KAZN: variants seen among roughly 807,000 people sequenced by gnomAD.
The protein encoded by KAZN is kazrin.
KAZN carries 40 observed loss-of-function variants against 87.4 expected under a neutral mutation model. The observed-to-expected ratio is 0.46, with a 90% CI of 0.36 to 0.60. The LOEUF is 0.60. Among genes scored for constraint, KAZN ranks in the 20% least tolerant of loss-of-function variants. The pLI, the probability that KAZN is intolerant of heterozygous loss-of-function variation, is 0.00. For missense variants in KAZN, 898 were observed against 1,073.9 expected, an observed-to-expected ratio of 0.84 and a Z score of 2.29; for synonymous variants, 466 against 458.3, an observed-to-expected ratio of 1.02 and a Z score of -0.22.
At chr1:14,564,018 C>T (rs1458907426) in intron 2 of KAZN, among the ~76,000 whole-genome samples, 2 of 151,858 alleles carry the variant, frequency 1.3e-5, no homozygotes, top group Non-Finnish European at 2.9e-5. Context: ...TACAGGCACC[C>T]GCCATCATGC....
intron 2 of KAZN, among the ~76,000 whole-genome samples, chr1:14,448,956 G>A (rs1392836891): frequency 6.6e-6 from 1 of 152,312 alleles, no homozygotes; most frequent in East Asian, 1.9e-4. Context: ...TACAGATGGG[G>A]AAACTAAGAC....
At chr1:13,937,317 C>T (rs12033104) in intron 1 of KAZN, among the ~76,000 whole-genome samples, 2,491 of 152,208 alleles carry the variant, frequency 0.016, 64 homozygotes, top group African/African-American at 0.055. Flanking sequence ...GTGCTGGGAT[C>T]ACAGGCATGA....
intron 1 of KAZN, among the ~76,000 whole-genome samples, chr1:14,115,402 G>A (rs1644593854): frequency 6.6e-6 from 1 of 152,194 alleles, no homozygotes; most frequent in South Asian, 2.1e-4. Context: ...ATGGGGGCAG[G>A]TCTTTCCTGT....
chr1:14,510,117 G>A (rs1670821834), intron 2 of KAZN, among the ~76,000 whole-genome samples: 1 of 152,174 alleles, frequency 6.6e-6, no homozygotes, highest in African/African-American at 2.4e-5. Flanking sequence ...AGGCACAGTG[G>A]CCTATAATCC....
At chr1:14,044,815 G>A (rs1641992218) in intron 1 of KAZN, among the ~76,000 whole-genome samples, 1 of 152,184 alleles carries the variant, frequency 6.6e-6, no homozygotes, top group African/African-American at 2.4e-5. Flanking sequence ...CCCTGAATCT[G>A]TTGTACCTTT....
At chr1:14,431,397 T>A (rs551363771) in intron 2 of KAZN, among the ~76,000 whole-genome samples, 9 of 152,292 alleles carry the variant, frequency 5.9e-5, no homozygotes, top group African/African-American at 2.2e-4. Flanking sequence ...AAGCCCCTAC[T>A]TGGAGGATAA....
intron 2 of KAZN, among the ~76,000 whole-genome samples, chr1:14,508,931 T>G (rs1342519997): frequency 6.6e-6 from 1 of 152,324 alleles, no homozygotes; most frequent in Non-Finnish European, 1.5e-5. Flanking sequence ...GGATCATTGC[T>G]TGCCTGTTCT....
At chr1:13,977,143 T>G (rs1014480884) in intron 1 of KAZN, among the ~76,000 whole-genome samples, 1 of 152,198 alleles carries the variant, frequency 6.6e-6, no homozygotes, top group African/African-American at 2.4e-5. Flanking sequence ...GAAGAGAGCT[T>G]AGTCTACAGG....
intron 1 of KAZN, among the ~76,000 whole-genome samples, chr1:14,875,049 T>C (rs1652598536): frequency 6.6e-6 from 1 of 151,984 alleles, no homozygotes; most frequent in Non-Finnish European, 1.5e-5. Context: ...TGTAAATTTG[T>C]GGCCAGGTGC....
chr1:15,060,389 T>C, intron 6 of KAZN, 87 bp downstream of exon 6: 1 of 1,544,620 alleles, frequency 6.5e-7, no homozygotes, highest in Non-Finnish European at 8.9e-7. Context: ...CCATACTCGC[T>C]GTTTCCTCTC....
Position 13,893,739 on chromosome 1 carries a change from G to A in KAZN, c.74G>A (p.Cys25Tyr), listed in dbSNP as rs1570196640. Residue 25 changes from cysteine to tyrosine, a missense_variant, in exon 1 of 17, where the codon TGC becomes TAC. By Grantham distance (194) the Cys-to-Tyr change is radical (BLOSUM62 -2). Coordinates refer to the KAZN transcript ENST00000636203. ...TTCTCCCACGTCTTTGGTCAGCAGT[G>A]CCAACTTATGCAAGCAGGTAGGAAT... 4 of 1,550,532 alleles carry A rather than the reference G, an allele frequency of 2.6e-6. 1 individual carries two copies. In the South Asian group the frequency reaches 4.8e-5, roughly 18 times the overall value.
chr1:14,921,461 A>C (rs986425592), intron 1 of KAZN, among the ~76,000 whole-genome samples: 7 of 152,136 alleles, frequency 4.6e-5, no homozygotes, highest in Admixed American at 2.0e-4. Flanking sequence ...CTAATGTTTC[A>C]AATTTAGATT....
At chr1:14,440,577 T>C (rs896853031) in intron 2 of KAZN, among the ~76,000 whole-genome samples, 2 of 152,124 alleles carry the variant, frequency 1.3e-5, no homozygotes, top group African/African-American at 4.8e-5. Flanking sequence ...CAAAAAGATG[T>C]TTGAGGAATG....
intron 1 of KAZN, among the ~76,000 whole-genome samples, chr1:14,721,558 C>T (rs896368215): frequency 3.9e-5 from 6 of 152,168 alleles, no homozygotes; most frequent in Admixed American, 1.3e-4. Context: ...TGTTCGTGTT[C>T]GAGGTCTGGT....
At chr1:13,956,074 A>G (rs1191144440) in intron 1 of KAZN, among the ~76,000 whole-genome samples, 4 of 152,204 alleles carry the variant, frequency 2.6e-5, no homozygotes, top group Non-Finnish European at 5.9e-5. Context: ...TGGGTGCATT[A>G]ATTAATCCCA....
chr1:14,155,017 G>C (rs1174294188), intron 1 of KAZN, among the ~76,000 whole-genome samples: 1 of 111,170 alleles, frequency 9.0e-6, no homozygotes, highest in East Asian at 4.2e-4. Context: ...GTCTTTGCCT[G>C]GTTTTGGAAC....
intron 1 of KAZN, among the ~76,000 whole-genome samples, chr1:14,688,362 G>A (rs191273694): frequency 4.6e-5 from 7 of 152,308 alleles, no homozygotes; most frequent in African/African-American, 1.2e-4. Context: ...AGGCTGCATC[G>A]ATTGTGCTCA....
chr1:14,030,997 A>G (rs1641305125), intron 1 of KAZN, among the ~76,000 whole-genome samples: 1 of 152,098 alleles, frequency 6.6e-6, no homozygotes, highest in South Asian at 2.1e-4. Context: ...ATACAAGCCT[A>G]TAATCTGTTT....
At chr1:14,462,002 A>T (rs1667879174) in intron 2 of KAZN, among the ~76,000 whole-genome samples, 1 of 151,842 alleles carries the variant, frequency 6.6e-6, no homozygotes, top group Non-Finnish European at 1.5e-5. Flanking sequence ...TATAGCTCCC[A>T]CAATTTCCAT....
Sources: gnomAD v4.1 joint callset for allele counts (sites outside exome capture counted in the v4.1 genomes callset) on GRCh38, gnomAD v4.1.1 for gene constraint, MANE v1.5 for transcripts, NCBI Gene and HGNC (gene_info 2026-07-23, HGNC 2026-07-21) for gene names.